Variants in NRXN1 observed in about 807,000 individuals in gnomAD.
NRXN1 encodes neurexin-1.
In NRXN1, 39 loss-of-function variants were observed where a neutral mutation model predicts 150.9. That is an observed-to-expected ratio of 0.26 (90% CI 0.20 to 0.34). The LOEUF (loss-of-function observed/expected upper bound fraction) is 0.34. Ranked by LOEUF, NRXN1 falls within the 10% of genes least tolerant of loss-of-function variation. The pLI is 1.00. For synonymous variants in NRXN1, 924 were observed against 757.0 expected (o/e 1.22, Z -3.62); for missense variants, 1,815 against 1,949.9 (o/e 0.93, Z 1.30).
intron 18 of NRXN1, among the ~76,000 whole-genome samples, chr2:50,213,822 G>A (rs1257905889): frequency 6.6e-6 from 1 of 151,714 alleles, no homozygotes; most frequent in African/African-American, 2.4e-5. Flanking sequence ...AACTCTGAAG[G>A]TATTCCATTT....
intron 17 of NRXN1, among the ~76,000 whole-genome samples, chr2:50,406,342 CAT>C (rs1325336125): frequency 2.0e-5 from 3 of 152,022 alleles, no homozygotes; most frequent in African/African-American, 7.2e-5. Context: ...TAAAGAAAAA[CAT>C]ACTTTTAAAG....
At chr2:51,012,512 C>T (rs933964960) in intron 2 of NRXN1, among the ~76,000 whole-genome samples, 3 of 152,018 alleles carry the variant, frequency 2.0e-5, no homozygotes, top group Non-Finnish European at 4.4e-5. Flanking sequence ...TATTACAGAT[C>T]TTCATATACT....
chr2:50,792,775 G>C (rs138872571), intron 5 of NRXN1, among the ~76,000 whole-genome samples: 2 of 152,034 alleles, frequency 1.3e-5, no homozygotes, highest in East Asian at 3.9e-4. Context: ...GAACATGTTA[G>C]ATACTTTAGA....
intron 19 of NRXN1, among the ~76,000 whole-genome samples, chr2:50,058,063 T>C (rs1009845998): frequency 6.6e-6 from 1 of 152,170 alleles, no homozygotes; most frequent in African/African-American, 2.4e-5. Context: ...CATAAACACA[T>C]AAATACATTC....
chr2:50,906,732 T>C (rs762846430), intron 5 of NRXN1, among the ~76,000 whole-genome samples: 5 of 152,090 alleles, frequency 3.3e-5, no homozygotes, highest in Non-Finnish European at 7.4e-5. Flanking sequence ...TTCTCTTACA[T>C]ACTTACATTA....
At chr2:50,950,064 A>G (rs1691053925) in intron 2 of NRXN1, among the ~76,000 whole-genome samples, 1 of 152,160 alleles carries the variant, frequency 6.6e-6, no homozygotes, top group African/African-American at 2.4e-5. Context: ...GAATAACAAC[A>G]CTGGAACTAT....
chr2:50,474,723 T>C (rs1376584885), intron 15 of NRXN1, among the ~76,000 whole-genome samples: 1 of 109,780 alleles, frequency 9.1e-6, no homozygotes, highest in African/African-American at 3.6e-5. Context: ...CCTAAAGAGG[T>C]CATGCACACA....
At chr2:50,719,504 G>A (rs1696339527) in intron 5 of NRXN1, among the ~76,000 whole-genome samples, 1 of 151,822 alleles carries the variant, frequency 6.6e-6, no homozygotes, top group African/African-American at 2.4e-5. Context: ...GTGAAATCCT[G>A]CCTCTACTAA....
intron 15 of NRXN1, among the ~76,000 whole-genome samples, chr2:50,473,479 A>T (rs2089709172): frequency 6.6e-6 from 1 of 152,028 alleles, no homozygotes; most frequent in Non-Finnish European, 1.5e-5. Context: ...ACATTTAATC[A>T]ATGTGGAACA....
At chr2:50,915,820 T>C (rs1478936688) in intron 5 of NRXN1, among the ~76,000 whole-genome samples, 1 of 151,084 alleles carries the variant, frequency 6.6e-6, no homozygotes, top group Non-Finnish European at 1.5e-5. Flanking sequence ...TATGCACTTT[T>C]GCAATTTGTC....
At chr2:50,283,602 C>G (rs953734071) in intron 17 of NRXN1, among the ~76,000 whole-genome samples, 1 of 152,256 alleles carries the variant, frequency 6.6e-6, no homozygotes, top group Non-Finnish European at 1.5e-5. Flanking sequence ...ATTCATTATA[C>G]TACTCCTCAA....
intron 5 of NRXN1, among the ~76,000 whole-genome samples, chr2:50,757,077 T>C (rs190604170): frequency 6.6e-6 from 1 of 152,054 alleles, no homozygotes; most frequent in East Asian, 1.9e-4. Flanking sequence ...AGTCAATCTT[T>C]TCTCTCTTGA....
chr2:50,578,069 C>T (rs958209751), intron 8 of NRXN1, among the ~76,000 whole-genome samples: 1 of 152,076 alleles, frequency 6.6e-6, no homozygotes, highest in Non-Finnish European at 1.5e-5. Flanking sequence ...CCATTAAAGA[C>T]TACAATTTGG....
chr2:50,883,022 G>A (rs1679682840), intron 5 of NRXN1, among the ~76,000 whole-genome samples: 1 of 151,722 alleles, frequency 6.6e-6, no homozygotes, highest in South Asian at 2.1e-4. Flanking sequence ...CAAAATAAAT[G>A]TCCATAAAAT....
At chr2:50,775,365 G>A (rs1041395395) in intron 5 of NRXN1, among the ~76,000 whole-genome samples, 1 of 152,038 alleles carries the variant, frequency 6.6e-6, no homozygotes, top group Non-Finnish European at 1.5e-5. Flanking sequence ...CTTCCCCTGG[G>A]AAAGCCTCAT....
chr2:50,826,645 C>A (rs1438392552), intron 5 of NRXN1, among the ~76,000 whole-genome samples: 2 of 152,030 alleles, frequency 1.3e-5, no homozygotes, highest in African/African-American at 2.4e-5. Flanking sequence ...TCAGATGACT[C>A]CTAGGTGTAT....
At chr2:50,472,794 C>T (rs1470493122) in intron 15 of NRXN1, among the ~76,000 whole-genome samples, 1 of 64,654 alleles carries the variant, frequency 1.5e-5, no homozygotes, top group Non-Finnish European at 3.1e-5. Context: ...GCCCTACAGC[C>T]TTGTGTGTGT....
intron 5 of NRXN1, among the ~76,000 whole-genome samples, chr2:50,663,690 GA>G (rs1687623910): frequency 6.6e-6 from 1 of 152,058 alleles, no homozygotes; most frequent in East Asian, 1.9e-4. Flanking sequence ...CTGGGTTGCA[GA>G]AAAATGTGAA....
At chr2:50,042,295 G>A (rs542392865) in intron 21 of NRXN1, among the ~76,000 whole-genome samples, 31 of 152,288 alleles carry the variant, frequency 2.0e-4, no homozygotes, top group African/African-American at 7.5e-4. Context: ...GAGGGACCCA[G>A]TGGGAGGTAA....
Sources: allele counts gnomAD v4.1 joint callset (sites outside exome capture counted in the v4.1 genomes callset), GRCh38; gene constraint gnomAD v4.1.1; transcripts MANE v1.5; gene names NCBI Gene and HGNC (gene_info 2026-07-23, HGNC 2026-07-21).